ASPH: variants seen among roughly 807,000 people sequenced by gnomAD.
The protein encoded by ASPH is aspartyl/asparaginyl beta-hydroxylase.
In ASPH, 100 loss-of-function variants were observed where a neutral mutation model predicts 118.4. The observed-to-expected ratio is 0.84, with a 90% CI of 0.72 to 1.00. The LOEUF (loss-of-function observed/expected upper bound fraction) is 1.00, where lower values mean the gene tolerates loss of function less well. Among genes scored for constraint, ASPH ranks in the 50% least tolerant of loss-of-function variants. The probability of loss-of-function intolerance (pLI) is 0.00; values close to 1 mark genes in which losing one functional copy is unlikely to be tolerated. For synonymous variants in ASPH, 315 were observed against 325.6 expected (o/e 0.97, Z 0.35); for missense variants, 920 against 919.5 (o/e 1.00, Z -0.01).
At chr8:61,620,503 C>CA (rs573990229) in intron 13 of ASPH, among the ~76,000 whole-genome samples, 2 of 149,944 alleles carry the variant, frequency 1.3e-5, no homozygotes, top group Non-Finnish European at 3.0e-5. Context: ...TTTTTAAGGA[C>CA]ATGTAGGTCT....
rs562143843 is a variant in ASPH at position 61,632,245 on chromosome 8, T to C, written c.934+1438A>G. Among the ~76,000 whole-genome samples the C allele has an allele frequency of 1.3e-3, 201 of 152,294 alleles. 1 individual carries two copies. The highest frequency in any genetic ancestry group is 2.2e-3 in the Non-Finnish European group (148 of 68,016). ...CCAAATAAACTATTGGGTTCAGTTATAAAATGTTAAAAGTATAGAAATTTT... is the reference window on the plus strand; with the variant it reads ...CCAAATAAACTATTGGGTTCAGTTACAAAATGTTAAAAGTATAGAAATTTT... On this transcript the variant is annotated intron_variant, in intron 13 of 24. Coordinates refer to ENST00000379454, the MANE Select transcript of ASPH (RefSeq NM_004318.4).
intron 13 of ASPH, chr8:61,625,815 G>C: frequency 2.0e-6 from 2 of 987,680 alleles, no homozygotes; most frequent in Non-Finnish European, 2.4e-6. Flanking sequence ...CTAACACAAA[G>C]TACTCTTAAT....
chr8:61,647,211 A>G (rs1808461573), intron 5 of ASPH, among the ~76,000 whole-genome samples: 1 of 152,204 alleles, frequency 6.6e-6, no homozygotes, highest in South Asian at 2.1e-4. Flanking sequence ...GAATGAATAA[A>G]TGAATTCATA....
At chr8:61,534,358 G>A (rs1818692629) in intron 21 of ASPH, among the ~76,000 whole-genome samples, 1 of 152,072 alleles carries the variant, frequency 6.6e-6, no homozygotes, top group African/African-American at 2.4e-5. Flanking sequence ...ATCTAGTGAT[G>A]CTTAGAAAGA....
intron 15 of ASPH, chr8:61,579,665 C>G: frequency 6.9e-7 from 1 of 1,441,732 alleles, no homozygotes; most frequent in East Asian, 2.3e-5. Context: ...ACATCCTGCC[C>G]AAGTGAACAG....
At chr8:61,625,519 A>G in intron 13 of ASPH, 1 of 985,378 alleles carries the variant, frequency 1.0e-6, no homozygotes, top group African/African-American at 1.7e-5. Flanking sequence ...AGGTGCCAAC[A>G]AAGCATTTTT....
At chr8:61,595,948 C>A (rs1345466405) in intron 14 of ASPH, among the ~76,000 whole-genome samples, 2 of 151,996 alleles carry the variant, frequency 1.3e-5, no homozygotes, top group South Asian at 4.2e-4. Flanking sequence ...ATAGATCCAC[C>A]CCACCCACCC....
rs529147312 is a variant in ASPH, at chr8:61,644,363, G to T, written c.652+237C>A. ...AAGGTACAAAACATGCAATTCAATT[G>T]TATCTTTTGAACTAGTAATCCTACT... On this transcript the variant is annotated intron_variant, in intron 7 of 24. Coordinates refer to ENST00000379454, the MANE Select transcript of ASPH (RefSeq NM_004318.4). Among the ~76,000 whole-genome samples, 3 of 152,304 alleles carry T rather than the reference G, an allele frequency of 2.0e-5. No homozygotes were observed. The East Asian group carries it at 5.8e-4, about 29-fold the overall frequency.
chr8:61,633,775 G>C lies in ASPH; in HGVS notation c.890-48C>G, dbSNP rs186007381. ...AATCTGTTACATATTGCTGATCAGT[G>C]TTTAAAATATGCGTTGCCAGATTTA... On this transcript the variant is annotated intron_variant, in intron 12 of 24. Coordinates refer to ENST00000379454, the MANE Select transcript of ASPH (RefSeq NM_004318.4). 4.1e-5 allele frequency: 54 copies of C among 1,326,382 alleles called. No homozygotes were observed. In the Admixed American group the frequency reaches 5.0e-4, roughly 12 times the overall value. The allele number at this position is 1,326,382 out of a possible 1,614,324, so 82.2% of individuals were successfully genotyped here. A position where few individuals can be genotyped will look rare whatever the true frequency, so the allele number is the denominator to read the frequency against.
intron 15 of ASPH, among the ~76,000 whole-genome samples, chr8:61,580,464 G>C (rs1242996997): frequency 6.6e-6 from 1 of 152,160 alleles, no homozygotes; most frequent in African/African-American, 2.4e-5. Context: ...GCCCAGTATT[G>C]AAATCTGTGT....
At chr8:61,541,724 AG>A (rs2130550811) in intron 21 of ASPH, among the ~76,000 whole-genome samples, 1 of 152,268 alleles carries the variant, frequency 6.6e-6, no homozygotes, top group East Asian at 1.9e-4. Flanking sequence ...TAGTTCTCAA[AG>A]TACAATCACA....
intron 1 of ASPH, among the ~76,000 whole-genome samples, chr8:61,706,451 GAA>G (rs1563667211): frequency 3.2e-5 from 4 of 123,416 alleles, no homozygotes; most frequent in East Asian, 2.1e-4. Flanking sequence ...AGAAGAAGAA[GAA>G]GAAGGAGGAA....
intron 22 of ASPH, among the ~76,000 whole-genome samples, chr8:61,524,871 A>T (rs561099083): frequency 6.6e-6 from 1 of 152,232 alleles, no homozygotes; most frequent in East Asian, 1.9e-4. Flanking sequence ...ATGTTAATGG[A>T]ATCAAAGTAC....
At chr8:61,511,796 G>T (rs1016635016) in intron 24 of ASPH, among the ~76,000 whole-genome samples, 15 of 152,098 alleles carry the variant, frequency 9.9e-5, no homozygotes, top group African/African-American at 3.4e-4. Context: ...TAGAGACTGG[G>T]TTTCACCATG....
At chr8:61,668,120 C>T (rs1368686422) in intron 3 of ASPH, 2 of 1,055,216 alleles carry the variant, frequency 1.9e-6, no homozygotes, top group Non-Finnish European at 2.7e-6. Flanking sequence ...CAAGCAAGAC[C>T]CAAAAGCAAT....
chr8:61,531,082 C>T (rs1428303686), intron 21 of ASPH, among the ~76,000 whole-genome samples: 1 of 152,194 alleles, frequency 6.6e-6, no homozygotes, highest in African/African-American at 2.4e-5. Context: ...CTTCATGTCA[C>T]ATGCAGCATT....
At chr8:61,624,189 C>T (rs1479531408) in intron 13 of ASPH, 4 of 949,874 alleles carry the variant, frequency 4.2e-6, no homozygotes, top group Non-Finnish European at 5.0e-6. Flanking sequence ...CTCATATAGT[C>T]AAATTTATAC....
chr8:61,553,041 C>A lies in ASPH; in HGVS notation c.1616G>T (p.Gly539Val), dbSNP rs754020435. The A allele has an allele frequency of 6.2e-7, 1 of 1,612,738 alleles. No homozygotes were observed. Among genetic ancestry groups the A allele is most frequent in the Non-Finnish European group, 8.5e-7 (1 of 1,178,844 alleles). ...FHLGDAMQRVGNKEAYKWYEL... is the reference protein window; with the variant it reads ...FHLGDAMQRVVNKEAYKWYEL... ...TCATATACCCATTACCTCTTTGTTCCCAACCCTCTGCATGGCATCCCCCAG... is the reference window on the plus strand; with the variant it reads ...TCATATACCCATTACCTCTTTGTTCACAACCCTCTGCATGGCATCCCCCAG... The change falls in exon 20 of 25, where the codon GGG becomes GTG. Residue 539 changes from glycine (G) to valine (V), a missense_variant. Transcript: ENST00000379454.
At chr8:61,514,400 C>T (rs1810071150) in intron 24 of ASPH, among the ~76,000 whole-genome samples, 1 of 152,032 alleles carries the variant, frequency 6.6e-6, no homozygotes, top group Non-Finnish European at 1.5e-5. Flanking sequence ...CAGCCTTGAA[C>T]TCCTGGGCAA....
Sources: allele counts gnomAD v4.1 joint callset (sites outside exome capture counted in the v4.1 genomes callset), GRCh38; gene constraint gnomAD v4.1.1; transcripts MANE v1.5; gene names NCBI Gene and HGNC (gene_info 2026-07-23, HGNC 2026-07-21).